Variants in GALNT13 observed in about 807,000 individuals in gnomAD.
The protein encoded by GALNT13 is UDP-GalNAc:polypeptide N-acetylgalactosaminyltransferase 13.
In GALNT13, 28 loss-of-function variants were observed where a neutral mutation model predicts 64.2. The observed-to-expected ratio is 0.44, with a 90% CI of 0.32 to 0.60. GALNT13 has a LOEUF of 0.60. Ranked by LOEUF, GALNT13 falls within the 20% of genes least tolerant of loss-of-function variation. The pLI is 0.05. For synonymous variants in GALNT13, 214 were observed against 224.6 expected, an observed-to-expected ratio of 0.95 and a Z score of 0.42; for missense variants, 577 against 669.8, an observed-to-expected ratio of 0.86 and a Z score of 1.53.
intron 2 of GALNT13, among the ~76,000 whole-genome samples, chr2:153,929,423 G>T (rs867194491): frequency 2.0e-5 from 3 of 152,106 alleles, no homozygotes; most frequent in African/African-American, 7.2e-5. Flanking sequence ...GTGGAGGTTT[G>T]GTGTGCAGAT....
chr2:153,825,521 C>T, the GALNT13 span, among the ~76,000 whole-genome samples: 1 of 152,062 alleles, frequency 6.6e-6, no homozygotes, highest in Middle Eastern at 3.4e-3. Context: ...CTCTCAATGT[C>T]TCATCCTTGG....
the GALNT13 span, among the ~76,000 whole-genome samples, chr2:153,626,289 T>C: frequency 6.6e-6 from 1 of 152,024 alleles, no homozygotes; most frequent in Non-Finnish European, 1.5e-5. Context: ...AAATATTAAA[T>C]AGCAACACAA....
chr2:153,642,527 A>C, the GALNT13 span, among the ~76,000 whole-genome samples: 1,358 of 152,036 alleles, frequency 8.9e-3, 16 homozygotes, highest in African/African-American at 0.031. Context: ...CAAAAAGATA[A>C]AAGAAATTCT....
intron 10 of GALNT13, among the ~76,000 whole-genome samples, chr2:154,401,311 G>A (rs1375942498): frequency 2.0e-5 from 3 of 152,130 alleles, no homozygotes; most frequent in Non-Finnish European, 4.4e-5. Context: ...TACCCTTTCT[G>A]TTGGTAATCA....
chr2:153,346,455 C>A, the GALNT13 span, among the ~76,000 whole-genome samples: 2 of 152,118 alleles, frequency 1.3e-5, no homozygotes, highest in Non-Finnish European at 2.9e-5. Flanking sequence ...AGGTCGAATA[C>A]CCTAAATCCA....
the GALNT13 span, among the ~76,000 whole-genome samples, chr2:153,366,661 C>A: frequency 6.8e-6 from 1 of 147,572 alleles, no homozygotes; most frequent in African/African-American, 2.5e-5. Context: ...ATGACAAGTA[C>A]CAAACTACAG....
chr2:154,346,557 T>G (rs1007252121), intron 9 of GALNT13, among the ~76,000 whole-genome samples: 3 of 152,200 alleles, frequency 2.0e-5, no homozygotes, highest in East Asian at 1.9e-4. Flanking sequence ...TTTCCTCTTT[T>G]GCTTGGCTCT....
At chr2:154,057,325 G>C (rs559989939) in intron 3 of GALNT13, among the ~76,000 whole-genome samples, 2 of 152,098 alleles carry the variant, frequency 1.3e-5, no homozygotes, top group Admixed American at 6.6e-5. Flanking sequence ...CACCACGCCC[G>C]GCCCTAAACC....
chr2:153,216,756 A>G, the GALNT13 span, among the ~76,000 whole-genome samples: 1 of 151,998 alleles, frequency 6.6e-6, no homozygotes, highest in Non-Finnish European at 1.5e-5. Context: ...GCTTATTTTT[A>G]AAAAATTCTC....
At chr2:154,434,567 G>T (rs2105457073) in intron 11 of GALNT13, among the ~76,000 whole-genome samples, 1 of 152,222 alleles carries the variant, frequency 6.6e-6, no homozygotes, top group South Asian at 2.1e-4. Context: ...ATAAAATGGA[G>T]CATAGACATC....
chr2:153,229,150 C>T, the GALNT13 span, among the ~76,000 whole-genome samples: 23 of 152,318 alleles, frequency 1.5e-4, no homozygotes, highest in African/African-American at 4.3e-4. Context: ...TAGCTTTCAT[C>T]CTGCTTCATC....
At chr2:153,437,592 G>T in the GALNT13 span, among the ~76,000 whole-genome samples, 4 of 149,446 alleles carry the variant, frequency 2.7e-5, no homozygotes, top group African/African-American at 7.4e-5. Context: ...GGCCTTCTTT[G>T]TCTCTTTTGA....
chr2:153,596,541 G>A, the GALNT13 span, among the ~76,000 whole-genome samples: 1 of 151,982 alleles, frequency 6.6e-6, no homozygotes, highest in Admixed American at 6.6e-5. Context: ...AGATTTAAGT[G>A]GAAAGATATT....
At chr2:153,467,901 G>A in the GALNT13 span, among the ~76,000 whole-genome samples, 2 of 152,008 alleles carry the variant, frequency 1.3e-5, no homozygotes, top group African/African-American at 2.4e-5. Context: ...GAATCAGTGT[G>A]GGAGTAAGAT....
the GALNT13 span, among the ~76,000 whole-genome samples, chr2:153,151,341 A>C: frequency 2.6e-5 from 4 of 151,768 alleles, no homozygotes; most frequent in Non-Finnish European, 5.9e-5. Context: ...CAGGTGCTGG[A>C]GAGGATGTGG....
the GALNT13 span, among the ~76,000 whole-genome samples, chr2:153,655,127 C>A: frequency 6.6e-6 from 1 of 152,084 alleles, no homozygotes; most frequent in Non-Finnish European, 1.5e-5. Context: ...ACACCAAATT[C>A]TCTGAATTCT....
At chr2:154,190,965 A>C (rs747683361) in intron 4 of GALNT13, among the ~76,000 whole-genome samples, 1 of 152,192 alleles carries the variant, frequency 6.6e-6, no homozygotes, top group Non-Finnish European at 1.5e-5. Flanking sequence ...TACTTAATGG[A>C]CATCTCAATT....
chr2:153,222,896 T>G, the GALNT13 span, among the ~76,000 whole-genome samples: 1 of 152,016 alleles, frequency 6.6e-6, no homozygotes, highest in East Asian at 1.9e-4. Context: ...AGCGCAGGGA[T>G]GCCTGGGTCC....
intron 8 of GALNT13, among the ~76,000 whole-genome samples, chr2:154,293,426 T>A (rs1692752421): frequency 1.3e-5 from 2 of 152,142 alleles, no homozygotes; most frequent in African/African-American, 2.4e-5. Flanking sequence ...AAAGCAAGAA[T>A]CAGCGAGTAA....
Sources: allele counts gnomAD v4.1 joint callset (sites outside exome capture counted in the v4.1 genomes callset), GRCh38; gene constraint gnomAD v4.1.1; transcripts MANE v1.5; gene names NCBI Gene and HGNC (gene_info 2026-07-23, HGNC 2026-07-21).